The following PKHD1 variants were observed in gnomAD, a reference collection of about 807,000 sequenced individuals.
PKHD1 encodes the protein PKHD1 ciliary IPT domain containing fibrocystin/polyductin, also known as fibrocystin.
In PKHD1, 291 loss-of-function variants were observed where a neutral mutation model predicts 412.0. That is an observed-to-expected ratio of 0.71 (90% CI 0.64 to 0.78). The LOEUF is 0.78. PKHD1 is among the 30% of genes least tolerant of loss of function. PKHD1 has a pLI of 0.00. For missense variants in PKHD1, 4,825 were observed against 4,950.7 expected, an observed-to-expected ratio of 0.97 and a Z score of 0.76; for synonymous variants, 1,777 against 1,821.5, an observed-to-expected ratio of 0.98 and a Z score of 0.62.
chr6:51,633,054 A>G (rs924272762), intron 64 of PKHD1, among the ~76,000 whole-genome samples: 4 of 152,206 alleles, frequency 2.6e-5, no homozygotes, highest in Non-Finnish European at 5.9e-5. Context: ...ACTAATGAGA[A>G]TAAAAATATT....
chr6:51,882,568 A>T (rs1439309204), intron 46 of PKHD1, among the ~76,000 whole-genome samples: 1 of 152,198 alleles, frequency 6.6e-6, no homozygotes, highest in Non-Finnish European at 1.5e-5. Context: ...TAATAAAAAC[A>T]AGAACATAGG....
intron 60 of PKHD1, among the ~76,000 whole-genome samples, chr6:51,677,195 G>A (rs887272041): frequency 6.6e-6 from 1 of 152,128 alleles, no homozygotes; most frequent in Non-Finnish European, 1.5e-5. Context: ...AGTACAACAT[G>A]TATTCACTCA....
chr6:51,659,991 A>T (rs766163009), intron 60 of PKHD1, 22 bp from the exon 61 acceptor site: 2 of 1,399,756 alleles, frequency 1.4e-6, no homozygotes, highest in South Asian at 2.3e-5. Context: ...AAGAAGCAAA[A>T]CAAGTGATAT....
At chr6:51,788,388 G>T (rs1020797763) in intron 53 of PKHD1, among the ~76,000 whole-genome samples, 5 of 151,544 alleles carry the variant, frequency 3.3e-5, no homozygotes, top group Non-Finnish European at 7.4e-5. Context: ...AGTGCCCCAG[G>T]ATGTGGCTGA....
intron 12 of PKHD1, among the ~76,000 whole-genome samples, chr6:52,065,477 G>A (rs1809551504): frequency 6.6e-6 from 1 of 152,046 alleles, no homozygotes; most frequent in Admixed American, 6.5e-5. Flanking sequence ...CACCCTTGGT[G>A]TCACCAACTA....
chr6:51,865,015 G>A (rs951131031), intron 48 of PKHD1, among the ~76,000 whole-genome samples: 6 of 152,112 alleles, frequency 3.9e-5, no homozygotes, highest in Non-Finnish European at 8.8e-5. Context: ...GGACCCTGGA[G>A]AAAAACTGTC....
At chr6:51,643,843 C>G (rs1024394214) in intron 63 of PKHD1, among the ~76,000 whole-genome samples, 1 of 151,622 alleles carries the variant, frequency 6.6e-6, no homozygotes, top group African/African-American at 2.4e-5. Context: ...CTCTCCTTCC[C>G]CCTTAGTCCT....
In PKHD1 at chr6:51,728,564, A is replaced by C. The variant is rs6942073; in HGVS notation, c.10156+15821T>G. ...TGGCCGGTTACACGACCACAGTCCTACAACTACATGGAACTGAATCTGGCC... is the reference window on the plus strand; with the variant it reads ...TGGCCGGTTACACGACCACAGTCCTCCAACTACATGGAACTGAATCTGGCC... On this transcript the variant is annotated intron_variant, in intron 60 of 66. Coordinates refer to ENST00000371117, the MANE Select transcript of PKHD1 (RefSeq NM_138694.4). Among the ~76,000 whole-genome samples the C allele has an allele frequency of 5.0e-3, 756 of 152,332 alleles. 8 individuals carry two copies. Among genetic ancestry groups the C allele is most frequent in the African/African-American group, 0.017 (704 of 41,568 alleles).
At chr6:51,820,671 G>A (rs1210699411) in intron 52 of PKHD1, among the ~76,000 whole-genome samples, 5 of 152,116 alleles carry the variant, frequency 3.3e-5, no homozygotes, top group Non-Finnish European at 7.4e-5. Flanking sequence ...CATATAAAAT[G>A]TTAAGAACCC....
Position 52,046,387 on chromosome 6 carries a change from A to C in PKHD1, c.2408-199T>G, listed in dbSNP as rs1805845308. Reference sequence around the variant, plus strand: ...CTAAGGTAAAGACAAGTAGATGCCCACTTTTTATATTACACTATCTTTCAC... The same window carrying C: ...CTAAGGTAAAGACAAGTAGATGCCCCCTTTTTATATTACACTATCTTTCAC... On this transcript the variant is annotated intron_variant, in intron 23 of 66. Transcript: ENST00000371117. 2.0e-5 allele frequency among the ~76,000 whole-genome samples: 3 copies of C among 152,216 alleles called. No individual in the cohort carries two copies. The South Asian group carries it at 6.2e-4, about 32-fold the overall frequency.
At chr6:52,017,347 G>C in intron 34 of PKHD1, 63 bp downstream of exon 34, 2 of 1,168,470 alleles carry the variant, frequency 1.7e-6, no homozygotes. Flanking sequence ...CTCTCTGATG[G>C]CTCCATCGGT....
rs1462547885 is a variant in PKHD1, at chr6:51,659,894, A to G, written c.10232T>C (p.Val3411Ala). 6.2e-7 allele frequency: 1 copy of G among 1,612,742 alleles called. No homozygotes were observed. Among genetic ancestry groups the G allele is most frequent in the Non-Finnish European group, 8.5e-7 (1 of 1,179,046 alleles). ...QGFICKQTDQVVLILDSADAI... is the reference protein window; with the variant it reads ...QGFICKQTDQAVLILDSADAI... ...ATCAGCGCTATCAAGAATTAGGACC[A>G]CTTGGTCAGTCTGTTTGCAGATGAA... Residue 3411 changes from valine (V) to alanine (A), a missense_variant, in exon 61 of 67, where the codon GTG (valine) becomes GCG (alanine). Val to Ala is a moderately conservative substitution (Grantham distance 64, BLOSUM62 0). Coordinates refer to ENST00000371117, the MANE Select transcript of PKHD1 (RefSeq NM_138694.4).
chr6:51,630,998 A>G (rs2784212), intron 65 of PKHD1, among the ~76,000 whole-genome samples: 6,495 of 152,190 alleles, frequency 0.043, 232 homozygotes, highest in African/African-American at 0.093. Context: ...ATTTGTAAAC[A>G]CAGGAAGAAG....
intron 60 of PKHD1, among the ~76,000 whole-genome samples, chr6:51,697,969 T>C (rs1778995937): frequency 6.6e-6 from 1 of 152,150 alleles, no homozygotes; most frequent in Non-Finnish European, 1.5e-5. Context: ...ACCTAGGAGA[T>C]AGGAAGTAAG....
chr6:52,020,909 C>G (rs368045253), intron 33 of PKHD1, among the ~76,000 whole-genome samples: 11 of 15,970 alleles, frequency 6.9e-4, no homozygotes, highest in Admixed American at 1.2e-3. Flanking sequence ...GACCTACTTC[C>G]TAGGGAAAAA....
At chr6:51,850,190 G>A (rs185410331) in intron 49 of PKHD1, among the ~76,000 whole-genome samples, 289 of 152,252 alleles carry the variant, frequency 1.9e-3, no homozygotes, top group African/African-American at 6.6e-3. Context: ...GTTTGTCAAC[G>A]ATCTGATGGT....
chr6:51,666,554 A>G (rs1773821458), intron 60 of PKHD1, among the ~76,000 whole-genome samples: 1 of 151,858 alleles, frequency 6.6e-6, no homozygotes, highest in South Asian at 2.1e-4. Context: ...TTTTTTTTAA[A>G]TTTATTATAA....
chr6:52,058,868 AC>A (rs1454877995), intron 15 of PKHD1, among the ~76,000 whole-genome samples: 1 of 152,204 alleles, frequency 6.6e-6, no homozygotes, highest in African/African-American at 2.4e-5. Flanking sequence ...AGAAGGAACA[AC>A]CAACCTAAAC....
chr6:51,741,836 C>G (rs1784594117), intron 60 of PKHD1, among the ~76,000 whole-genome samples: 1 of 152,186 alleles, frequency 6.6e-6, no homozygotes, highest in South Asian at 2.1e-4. Flanking sequence ...TATCTTCAGT[C>G]TTTATTCCCT....
Sources: allele counts gnomAD v4.1 joint callset (sites outside exome capture counted in the v4.1 genomes callset), GRCh38; gene constraint gnomAD v4.1.1; transcripts MANE v1.5; gene names NCBI Gene and HGNC (gene_info 2026-07-23, HGNC 2026-07-21).